The following SLC35F3 variants were observed in gnomAD, a reference collection of about 807,000 sequenced individuals.
SLC35F3 encodes putative thiamine transporter SLC35F3.
Under a neutral mutation model 49.9 loss-of-function variants are expected in SLC35F3, and 25 were observed. The ratio of observed to expected loss-of-function variants is 0.50; its 90% CI spans 0.37 to 0.70. SLC35F3 has a LOEUF of 0.70. Ranked by LOEUF, SLC35F3 falls within the 30% of genes least tolerant of loss-of-function variation. The pLI, the probability that SLC35F3 is intolerant of heterozygous loss-of-function variation, is 0.00. For synonymous variants in SLC35F3, 275 were observed against 265.4 expected, an observed-to-expected ratio of 1.04 and a Z score of -0.35; for missense variants, 525 against 639.8, an observed-to-expected ratio of 0.82 and a Z score of 1.94.
intron 2 of SLC35F3, among the ~76,000 whole-genome samples, chr1:234,085,806 T>A (rs1572046306): frequency 6.6e-6 from 1 of 152,346 alleles, no homozygotes; most frequent in East Asian, 1.9e-4. Context: ...GATATGGAAC[T>A]CAATAAGCCC....
At chr1:233,925,888 A>T (rs554669518) in intron 2 of SLC35F3, among the ~76,000 whole-genome samples, 15 of 152,248 alleles carry the variant, frequency 9.9e-5, no homozygotes, top group Non-Finnish European at 2.2e-4. Context: ...TCCTTCACTT[A>T]TGATGCTTAG....
At chr1:234,307,975 G>C (rs189213404) in intron 3 of SLC35F3, among the ~76,000 whole-genome samples, 2 of 152,202 alleles carry the variant, frequency 1.3e-5, no homozygotes, top group Non-Finnish European at 2.9e-5. Flanking sequence ...TCTGCATGTA[G>C]AAGACTGGCT....
In SLC35F3 at chr1:234,320,845, C is replaced by T. The variant is rs1009553554; in HGVS notation, c.1237+658C>T. ...CCTCACTGCCTTCCTTTTCCTGGCTCGCACGGATAGGAATTTTGGATTTTC... is the reference window on the plus strand; with the variant it reads ...CCTCACTGCCTTCCTTTTCCTGGCTTGCACGGATAGGAATTTTGGATTTTC... On this transcript the variant is annotated intron_variant, in intron 7 of 7. Transcript: ENST00000366618. This position sits in a 1 kb window ranked among gnomAD's most constrained non-coding sequence, Gnocchi z 4.8. Among the ~76,000 whole-genome samples, 9 of 152,112 alleles carry T rather than the reference C, an allele frequency of 5.9e-5. No homozygotes were observed. The highest frequency in any genetic ancestry group is 1.0e-4 in the Non-Finnish European group (7 of 68,020).
chr1:233,937,134 C>G (rs1235217554), intron 2 of SLC35F3, among the ~76,000 whole-genome samples: 4 of 152,138 alleles, frequency 2.6e-5, no homozygotes, highest in Admixed American at 6.6e-5. Context: ...TAAGATACTT[C>G]CTCAAGTTTC....
At chr1:233,967,938 G>T (rs2102815487) in intron 2 of SLC35F3, among the ~76,000 whole-genome samples, 1 of 152,272 alleles carries the variant, frequency 6.6e-6, no homozygotes, top group South Asian at 2.1e-4. Context: ...AAAGTTTTAG[G>T]AACATGCGGT....
chr1:233,955,814 G>T (rs1387916968), intron 2 of SLC35F3, among the ~76,000 whole-genome samples: 7 of 138,924 alleles, frequency 5.0e-5, no homozygotes, highest in African/African-American at 1.9e-4. Flanking sequence ...CTCCCAGGCT[G>T]GTCTTTGGTC....
Position 234,095,714 on chromosome 1 carries a change from C to T in SLC35F3, c.284-135703C>T, listed in dbSNP as rs117278902. ...TCCCAGGAGTCAACCTACTTGGGGT[C>T]TAATCATAGTTCTGCCACTTACTTG... is the stretch of plus-strand genomic sequence containing the variant. On this transcript the variant is annotated intron_variant, in intron 2 of 7. Coordinates refer to ENST00000366618, the MANE Select transcript of SLC35F3 (RefSeq NM_173508.4). 1.6e-4 allele frequency among the ~76,000 whole-genome samples: 24 copies of T among 152,298 alleles called. No individual in the cohort carries two copies. In the East Asian group the frequency reaches 3.5e-3, roughly 22 times the overall value.
chr1:234,075,849 A>G (rs962819040), intron 2 of SLC35F3, among the ~76,000 whole-genome samples: 1 of 152,332 alleles, frequency 6.6e-6, no homozygotes, highest in Non-Finnish European at 1.5e-5. Context: ...ATCTTACATA[A>G]AGTGCTGATA....
At chr1:234,008,339 T>C (rs1369088411) in intron 2 of SLC35F3, among the ~76,000 whole-genome samples, 1 of 152,200 alleles carries the variant, frequency 6.6e-6, no homozygotes, top group Non-Finnish European at 1.5e-5. Context: ...TGATGCACCA[T>C]CATTTGCTTT....
At chr1:234,200,617 A>C (rs1666888593) in intron 2 of SLC35F3, among the ~76,000 whole-genome samples, 1 of 152,156 alleles carries the variant, frequency 6.6e-6, no homozygotes, top group Non-Finnish European at 1.5e-5. Flanking sequence ...TCTTAAAATT[A>C]AGTATTTTTT....
At chr1:234,109,568 T>C (rs1665374275) in intron 2 of SLC35F3, among the ~76,000 whole-genome samples, 1 of 152,222 alleles carries the variant, frequency 6.6e-6, no homozygotes, top group African/African-American at 2.4e-5. Context: ...CTCCTCCACA[T>C]GGTTGCTAGC....
chr1:233,934,305 A>G (rs527273940), intron 2 of SLC35F3, among the ~76,000 whole-genome samples: 104 of 152,270 alleles, frequency 6.8e-4, no homozygotes, highest in African/African-American at 2.4e-3. Flanking sequence ...ACACTTCCCC[A>G]CTTTCTAAGA....
At chr1:233,987,792 TA>T (rs1427625834) in intron 2 of SLC35F3, among the ~76,000 whole-genome samples, 1 of 152,240 alleles carries the variant, frequency 6.6e-6, no homozygotes, top group Non-Finnish European at 1.5e-5. Context: ...AATCTTCTTA[TA>T]TTTGATCTCA....
At chr1:234,028,467 C>G (rs1292031292) in intron 2 of SLC35F3, among the ~76,000 whole-genome samples, 1 of 152,174 alleles carries the variant, frequency 6.6e-6, no homozygotes, top group African/African-American at 2.4e-5. Context: ...CATCTACTCA[C>G]CAGCATCCCT....
intron 3 of SLC35F3, among the ~76,000 whole-genome samples, chr1:234,297,816 G>T (rs1406039450): frequency 6.6e-6 from 1 of 151,898 alleles, no homozygotes; most frequent in African/African-American, 2.4e-5. Context: ...GATAAGGGGG[G>T]CAGAAAACAG....
At chr1:234,308,562 T>C (rs777581935) in intron 3 of SLC35F3, among the ~76,000 whole-genome samples, 14 of 148,202 alleles carry the variant, frequency 9.4e-5, no homozygotes, top group Non-Finnish European at 2.1e-4. Context: ...AGCCAAAAGA[T>C]TAGACACCCT....
Position 234,066,086 on chromosome 1 carries a change from G to A in SLC35F3, c.283+160328G>A, listed in dbSNP as rs1010419578. Among the ~76,000 whole-genome samples, 3 of 152,198 alleles carry A rather than the reference G, an allele frequency of 2.0e-5. No individual in the cohort carries two copies. In the East Asian group the frequency reaches 5.8e-4, roughly 29 times the overall value. The stretch of plus-strand genomic sequence containing the variant: ...AATGGGAATGGTTTGGGGTCCAGTA[G>A]CTCGCTGGAGAAAAAATAATTATCA... On this transcript the variant is annotated intron_variant, in intron 2 of 7. Transcript: ENST00000366618.
At chr1:234,166,179 T>C (rs1666315787) in intron 2 of SLC35F3, among the ~76,000 whole-genome samples, 1 of 152,090 alleles carries the variant, frequency 6.6e-6, no homozygotes, top group Non-Finnish European at 1.5e-5. Context: ...TAGTTTTAGG[T>C]TCAGAGCAAA....
chr1:234,280,774 CTG>C (rs1352839200), intron 3 of SLC35F3, among the ~76,000 whole-genome samples: 6 of 152,218 alleles, frequency 3.9e-5, no homozygotes, highest in Admixed American at 2.6e-4. Flanking sequence ...AGCATAATGA[CTG>C]TGTTCCTTTT....
Sources: allele counts gnomAD v4.1 joint callset (sites outside exome capture counted in the v4.1 genomes callset), GRCh38; gene constraint gnomAD v4.1.1; non-coding constraint Gnocchi (gnomAD v3.1); transcripts MANE v1.5; gene names NCBI Gene and HGNC (gene_info 2026-07-23, HGNC 2026-07-21).